MARK1: variants seen among roughly 807,000 people sequenced by gnomAD.
MARK1 encodes the protein microtubule affinity regulating kinase 1, also known as serine/threonine-protein kinase MARK1.
In MARK1, 40 loss-of-function variants were observed where a neutral mutation model predicts 96.3. That is an observed-to-expected ratio of 0.42 (90% CI 0.32 to 0.54). The LOEUF is 0.54. MARK1 is among the 20% of genes least tolerant of loss of function. The pLI is 0.16. For missense variants in MARK1, 719 were observed against 984.6 expected (o/e 0.73, Z 3.61); for synonymous variants, 317 against 341.2 (o/e 0.93, Z 0.78).
intron 6 of MARK1, among the ~76,000 whole-genome samples, chr1:220,610,402 G>A (rs1295957533): frequency 1.3e-5 from 2 of 152,206 alleles, no homozygotes; most frequent in African/African-American, 4.8e-5. Flanking sequence ...AGCTCCATCA[G>A]GTCATTTAAG....
intron 9 of MARK1, among the ~76,000 whole-genome samples, chr1:220,628,556 G>A (rs1023596247): frequency 6.6e-6 from 1 of 152,110 alleles, no homozygotes; most frequent in East Asian, 1.9e-4. Context: ...CGCCTTCCAT[G>A]TCATGCTGTG....
chr1:220,542,864 T>C (rs1030785031), intron 1 of MARK1, among the ~76,000 whole-genome samples: 3 of 152,230 alleles, frequency 2.0e-5, no homozygotes, highest in African/African-American at 7.2e-5. Context: ...TTTTTGTAAA[T>C]GGGTCTTCAG....
At chr1:220,660,867 C>T (rs954152516) in intron 17 of MARK1, among the ~76,000 whole-genome samples, 5 of 152,150 alleles carry the variant, frequency 3.3e-5, no homozygotes, top group African/African-American at 1.2e-4. Context: ...CCTTGCCCTC[C>T]TGGAGTTTAC....
In MARK1 at chr1:220,645,474, C is replaced by T. The variant is rs551670095; in HGVS notation, c.1471-5146C>T. Among the ~76,000 whole-genome samples the T allele has an allele frequency of 3.4e-4, 52 of 152,262 alleles. No homozygotes were observed. The South Asian group carries it at 0.011, about 32-fold the overall frequency. On this transcript the variant is annotated intron_variant, in intron 13 of 17. Transcript: ENST00000366917. ...GACCAGATGGATTTACAGCTGAATTCTAATAGAGGTACAAAGAGGAGCTGA... is the reference window on the plus strand; with the variant it reads ...GACCAGATGGATTTACAGCTGAATTTTAATAGAGGTACAAAGAGGAGCTGA...
intron 5 of MARK1, among the ~76,000 whole-genome samples, chr1:220,601,710 G>A (rs1665759861): frequency 6.6e-6 from 1 of 152,172 alleles, no homozygotes; most frequent in South Asian, 2.1e-4. Flanking sequence ...GCAAGGCTTT[G>A]TTAATATTAA....
chr1:220,636,057 A>G, intron 13 of MARK1, 31 bp downstream of exon 13: 2 of 1,447,578 alleles, frequency 1.4e-6, no homozygotes, highest in Non-Finnish European at 9.3e-7. Flanking sequence ...ATTGCAATTT[A>G]TTGTAATAAC....
At position 220,661,913 on chromosome 1, in the gene MARK1, T is replaced by C; in HGVS notation, c.2135T>C (p.Met712Thr). The C allele has an allele frequency of 6.2e-7, 1 of 1,614,200 alleles. No homozygotes were observed. Among genetic ancestry groups the C allele is most frequent in the Non-Finnish European group, 8.5e-7 (1 of 1,180,018 alleles). Reference protein sequence around the residue: ...FTWSMKTTSSMDPNDMMREIR... With the variant: ...FTWSMKTTSSTDPNDMMREIR... Reference sequence around the variant, plus strand: ...TGGAGTATGAAGACCACTAGTTCAATGGACCCTAATGACATGATGAGAGAA... The same window carrying C: ...TGGAGTATGAAGACCACTAGTTCAACGGACCCTAATGACATGATGAGAGAA... The change falls in exon 18 of 18, where the codon ATG (methionine) becomes ACG (threonine). Residue 712 changes from methionine to threonine, a missense_variant. By Grantham distance (81) the Met-to-Thr change is moderately conservative. Around this residue, in one of 4 missense-constraint regions of MARK1, gnomAD observed 501 missense variants for 588.3 expected, o/e 0.85. Coordinates refer to ENST00000366917, the MANE Select transcript of MARK1 (RefSeq NM_018650.5).
intron 13 of MARK1, among the ~76,000 whole-genome samples, chr1:220,647,963 C>A (rs1038226330): frequency 6.6e-6 from 1 of 151,618 alleles, no homozygotes; most frequent in Non-Finnish European, 1.5e-5. Flanking sequence ...ACCTAGGTGA[C>A]AGGTTGATAG....
At chr1:220,598,887 G>C (rs1224910653) in intron 4 of MARK1, among the ~76,000 whole-genome samples, 4 of 151,918 alleles carry the variant, frequency 2.6e-5, no homozygotes, top group African/African-American at 9.7e-5. Flanking sequence ...GATGAGGTGG[G>C]AGGATTGCTT....
intron 1 of MARK1, among the ~76,000 whole-genome samples, chr1:220,542,212 T>C (rs1403387127): frequency 2.0e-5 from 3 of 152,234 alleles, no homozygotes; most frequent in African/African-American, 7.2e-5. Flanking sequence ...GGACTTTGCT[T>C]ATTTTATGAT....
At chr1:220,580,025 T>A (rs1350516349) in intron 2 of MARK1, among the ~76,000 whole-genome samples, 2 of 152,202 alleles carry the variant, frequency 1.3e-5, no homozygotes, top group Non-Finnish European at 2.9e-5. Context: ...AAATCTCGTG[T>A]GTTTTAAGTT....
At chr1:220,557,298 G>A (rs1662334762) in intron 1 of MARK1, among the ~76,000 whole-genome samples, 1 of 152,128 alleles carries the variant, frequency 6.6e-6, no homozygotes, top group Admixed American at 6.5e-5. Context: ...AATTAAGCTG[G>A]GTGCGGTGGC....
chr1:220,635,541 A>T lies in MARK1; in HGVS notation c.1276+12A>T. On this transcript the variant is annotated intron_variant, in intron 12 of 17. Transcript: ENST00000366917. ...TTTCAGTGATCATGGTAGGGGAAAAAGTCACATAAGTGAAGCAACACACGG... is the reference window on the plus strand; with the variant it reads ...TTTCAGTGATCATGGTAGGGGAAAATGTCACATAAGTGAAGCAACACACGG... The T allele has an allele frequency of 6.3e-7, 1 of 1,599,804 alleles. No homozygotes were observed.
intron 2 of MARK1, among the ~76,000 whole-genome samples, chr1:220,580,566 G>A (rs1432942429): frequency 6.6e-6 from 1 of 152,026 alleles, no homozygotes. Context: ...ATTGAATTTG[G>A]TTCCTTCTGT....
In MARK1 at chr1:220,631,007, C is replaced by G. The variant is rs776063494; in HGVS notation, c.910-28C>G. 9.0e-6 allele frequency: 13 copies of G among 1,452,048 alleles called. No homozygotes were observed. In the Admixed American group the frequency reaches 2.2e-4, roughly 25 times the overall value. 89.9% of individuals were successfully genotyped at this position (1,452,048 alleles called of 1,614,324 possible). On this transcript the variant is annotated intron_variant, in intron 9 of 17. Transcript: ENST00000366917. ...TAAGTGGCTGAATGTTCTGATTGAC[C>G]ACACATAATGTAGAGTTTATTTCCT...
chr1:220,556,485 C>CAAAAAAAAAAAAAAA (rs55808704), intron 1 of MARK1, among the ~76,000 whole-genome samples: 2 of 85,820 alleles, frequency 2.3e-5, no homozygotes, highest in African/African-American at 4.6e-5. Flanking sequence ...GGGACTGTCA[C>CAAAAAAAAAAAAAAA]AAAAAAAAAA....
At chr1:220,616,048 T>A in intron 7 of MARK1, 53 bp downstream of exon 7, 1 of 854,276 alleles carries the variant, frequency 1.2e-6, no homozygotes, top group Non-Finnish European at 1.8e-6. Flanking sequence ...TATTAACATA[T>A]ATTTAATAAT....
At chr1:220,550,169 T>A (rs146324592) in intron 1 of MARK1, among the ~76,000 whole-genome samples, 2 of 152,238 alleles carry the variant, frequency 1.3e-5, no homozygotes, top group Admixed American at 1.3e-4. Context: ...TTGATTTTAC[T>A]GAACCCAAAT....
At chr1:220,620,991 T>A (rs2102977970) in intron 9 of MARK1, among the ~76,000 whole-genome samples, 1 of 152,102 alleles carries the variant, frequency 6.6e-6, no homozygotes, top group East Asian at 1.9e-4. Flanking sequence ...TCACTTTTAT[T>A]TTTCATACCA....
Sources: gnomAD v4.1 joint callset for allele counts (sites outside exome capture counted in the v4.1 genomes callset) on GRCh38, gnomAD v4.1.1 for gene constraint, gnomAD v4.1.1 regional missense constraint, MANE v1.5 for transcripts, NCBI Gene and HGNC (gene_info 2026-07-23, HGNC 2026-07-21) for gene names.